GABPB2: variants seen among roughly 807,000 people sequenced by gnomAD.
GABPB2 encodes the protein GA-binding protein subunit beta-2.
A neutral mutation model predicts 39.1 loss-of-function variants in GABPB2; 23 were observed. That is an observed-to-expected ratio of 0.59 (90% CI 0.42 to 0.83). The LOEUF is 0.83. Among genes scored for constraint, GABPB2 ranks in the 40% least tolerant of loss-of-function variants. GABPB2 has a pLI of 0.00. For synonymous variants in GABPB2, 184 were observed against 199.3 expected (o/e 0.92, Z 0.65); for missense variants, 467 against 541.1 (o/e 0.86, Z 1.36).
In GABPB2 at chr1:151,124,094, AAAAAAAAAAAG is replaced by A. The variant is rs1172399033; in HGVS notation, c.*5842_*5852del. On this transcript the variant is annotated 3_prime_UTR_variant, in exon 9 of 9. Coordinates refer to ENST00000368918, the MANE Select transcript of GABPB2 (RefSeq NM_144618.3). Reference sequence around the variant, plus strand: ...GAGGCCGGGCGCGGTGGCTCACAAAAAAAAAAAAAAGAAAGAAAAAGGAAAAAAAGAAATAT... The same window carrying A: ...GAGGCCGGGCGCGGTGGCTCACAAAAAAAGAAAAAGGAAAAAAAGAAATAT... 134 of 103,710 alleles carry A rather than the reference AAAAAAAAAAAG, an allele frequency of 1.3e-3. 2 individuals carry two copies. The highest frequency in any genetic ancestry group is 3.7e-3 in the African/African-American group (123 of 33,326). 6.4% of individuals were successfully genotyped at this position (103,710 alleles called of 1,614,324 possible).
At chr1:151,107,337 T>A (rs587701514) in intron 7 of GABPB2, 115 bp downstream of exon 7, 8 of 634,240 alleles carry the variant, frequency 1.3e-5, no homozygotes, top group Non-Finnish European at 1.6e-5. Flanking sequence ...CAGATGCAAG[T>A]TGGGGCAAAG....
rs149260680 is a variant in GABPB2 at position 151,103,574 on chromosome 1, C to T, written c.635C>T (p.Ala212Val). ...CTTACTGAAATAGGTGACCCCCATG[C>T]CTCAACAGTACAGTTTTCAAATTCT... is the stretch of plus-strand genomic sequence containing the variant. ...NTKTTSGDPH[A>V]STVQFSNSTT... is the part of the protein sequence containing the mutation. The change falls in exon 6 of 9, where the codon GCC becomes GTC. Residue 212 changes from alanine (A) to valine (V), a missense_variant. By Grantham distance (64) the Ala-to-Val change is moderately conservative. Transcript: ENST00000368918. 3.5e-5 allele frequency: 56 copies of T among 1,613,208 alleles called. No homozygotes were observed. The African/African-American group carries it at 7.3e-4, about 21-fold the overall frequency.
At chr1:151,076,729 C>CA (rs1260540818) in intron 1 of GABPB2, among the ~76,000 whole-genome samples, 1 of 151,584 alleles carries the variant, frequency 6.6e-6, no homozygotes, top group East Asian at 1.9e-4. Flanking sequence ...TGTGCCTTGC[C>CA]AGTCTCCCAT....
In GABPB2 at chr1:151,120,751, CTCTT is replaced by C. The variant is rs1484023012; in HGVS notation, c.*2497_*2500del. 2 of 139,936 alleles carry C rather than the reference CTCTT, an allele frequency of 1.4e-5. No homozygotes were observed. Among genetic ancestry groups the C allele is most frequent in the Non-Finnish European group, 3.1e-5 (2 of 64,096 alleles). 8.7% of individuals were successfully genotyped at this position (139,936 alleles called of 1,614,324 possible). On this transcript the variant is annotated 3_prime_UTR_variant, in exon 9 of 9. Coordinates refer to ENST00000368918, the MANE Select transcript of GABPB2 (RefSeq NM_144618.3). Reference sequence around the variant, plus strand: ...ATTTATGTAATGTCAAGCTCAGTCTCTCTTTTTTTTTTTTTTTTTTTTGAGACGG... The same window carrying C: ...ATTTATGTAATGTCAAGCTCAGTCTCTTTTTTTTTTTTTTTTTTGAGACGG...
intron 4 of GABPB2, among the ~76,000 whole-genome samples, chr1:151,097,577 T>C (rs1679187151): frequency 6.6e-6 from 1 of 151,830 alleles, no homozygotes; most frequent in Non-Finnish European, 1.5e-5. Context: ...AGCCCACAAG[T>C]TCTAGACCAA....
intron 4 of GABPB2, among the ~76,000 whole-genome samples, chr1:151,095,514 C>T (rs951527463): frequency 1.3e-5 from 2 of 152,166 alleles, no homozygotes; most frequent in South Asian, 2.1e-4. Flanking sequence ...AATAACTATA[C>T]GGTGACTTTC....
At position 151,121,009 on chromosome 1, in the gene GABPB2, G is replaced by A; in HGVS notation, c.*2753G>A. 6.6e-6 allele frequency: 1 copy of A among 152,210 alleles called. No homozygotes were observed. The highest frequency in any genetic ancestry group is 1.5e-5 in the Non-Finnish European group (1 of 68,034). 9.4% of individuals were successfully genotyped at this position (152,210 alleles called of 1,614,324 possible). A position where few individuals can be genotyped will look rare whatever the true frequency, so the allele number is the denominator to read the frequency against. ...GGCCTCAGGTGATCCACCCGCCTTG[G>A]CCTCCCAAAATGCTGAGATTACAGG... On this transcript the variant is annotated 3_prime_UTR_variant, in exon 9 of 9. Coordinates refer to ENST00000368918, the MANE Select transcript of GABPB2 (RefSeq NM_144618.3).
intron 1 of GABPB2, among the ~76,000 whole-genome samples, chr1:151,074,264 C>T (rs144040112): frequency 0.016 from 2,324 of 148,666 alleles, 65 homozygotes; most frequent in African/African-American, 0.054. Context: ...CGTGAGCCAC[C>T]GCGCCCGGCT....
intron 1 of GABPB2, among the ~76,000 whole-genome samples, chr1:151,076,530 A>G (rs1187004959): frequency 6.8e-6 from 1 of 148,008 alleles, no homozygotes; most frequent in East Asian, 2.1e-4. Context: ...CCTGGGTTCA[A>G]GCAATTCTCC....
intron 4 of GABPB2, among the ~76,000 whole-genome samples, chr1:151,096,323 G>A (rs919769164): frequency 6.6e-6 from 1 of 152,034 alleles, no homozygotes; most frequent in Non-Finnish European, 1.5e-5. Flanking sequence ...CTACTTGGGA[G>A]GCTGAGGCAG....
intron 5 of GABPB2, among the ~76,000 whole-genome samples, chr1:151,100,001 A>G (rs1679389879): frequency 6.6e-6 from 1 of 152,242 alleles, no homozygotes; most frequent in African/African-American, 2.4e-5. Context: ...TCTTCATTTT[A>G]TAAGCTATCA....
At position 151,092,425 on chromosome 1, in the gene GABPB2, A is replaced by T. The variant is rs587617393; in HGVS notation, c.277-767A>T. Among the ~76,000 whole-genome samples, 13 of 145,428 alleles carry T rather than the reference A, an allele frequency of 8.9e-5. No individual in the cohort carries two copies. The South Asian group carries it at 2.3e-3, about 26-fold the overall frequency. On this transcript the variant is annotated intron_variant, in intron 3 of 8. Coordinates refer to ENST00000368918, the MANE Select transcript of GABPB2 (RefSeq NM_144618.3). ...CAGCCATTTTTTTAAAATCATATTT[A>T]AAAAAAAAATACAGATGAGATCTCA...
At chr1:151,093,929 T>G (rs188527640) in intron 4 of GABPB2, among the ~76,000 whole-genome samples, 11 of 152,138 alleles carry the variant, frequency 7.2e-5, no homozygotes, top group African/African-American at 2.6e-4. Flanking sequence ...ATGGCAAAGT[T>G]GAAAAATTGT....
chr1:151,121,119 T>C lies in GABPB2; in HGVS notation c.*2863T>C, dbSNP rs1475828453. 6.6e-6 allele frequency: 1 copy of C among 152,152 alleles called. No homozygotes were observed. The highest frequency in any genetic ancestry group is 2.4e-5 in the African/African-American group (1 of 41,410). 9.4% of individuals were successfully genotyped at this position (152,152 alleles called of 1,614,324 possible). ...AAGTGTCATTTAGGACATATTGTGC[T>C]TTTCTGTGGAGCTTATATCTTATCC... On this transcript the variant is annotated 3_prime_UTR_variant, in exon 9 of 9. Coordinates refer to ENST00000368918, the MANE Select transcript of GABPB2 (RefSeq NM_144618.3).
chr1:151,096,675 C>T (rs1278672226), intron 4 of GABPB2, among the ~76,000 whole-genome samples: 1 of 152,114 alleles, frequency 6.6e-6, no homozygotes. Context: ...AGCAAAAGTA[C>T]AGCATATGGA....
chr1:151,075,247 G>A (rs905269761), intron 1 of GABPB2, among the ~76,000 whole-genome samples: 5 of 151,884 alleles, frequency 3.3e-5, no homozygotes, highest in Middle Eastern at 3.4e-3. Flanking sequence ...TGGCTAACAC[G>A]GTGAAACTCC....
At chr1:151,102,099 TC>T (rs1028617470) in intron 5 of GABPB2, among the ~76,000 whole-genome samples, 1 of 152,176 alleles carries the variant, frequency 6.6e-6, no homozygotes, top group African/African-American at 2.4e-5. Context: ...AGCAGGCAGA[TC>T]ACCTGAAGTC....
chr1:151,103,587 G>A lies in GABPB2; in HGVS notation c.648G>A (p.Gln216=), dbSNP rs753888286. Residue 216 remains glutamine (Q), a synonymous_variant, in exon 6 of 9, where the codon CAG becomes CAA. Transcript: ENST00000368918. ...GTGACCCCCATGCCTCAACAGTACA[G>A]TTTTCAAATTCTACCACCTCAGTGC... The part of the protein sequence containing the change: ...TSGDPHASTV[Q]FSNSTTSVLA... 1 of 1,614,006 alleles carries A rather than the reference G, an allele frequency of 6.2e-7. No individual in the cohort carries two copies. The highest frequency in any genetic ancestry group is 8.5e-7 in the Non-Finnish European group (1 of 1,179,928).
At chr1:151,114,988 C>T (rs587733384) in intron 7 of GABPB2, among the ~76,000 whole-genome samples, 2 of 152,062 alleles carry the variant, frequency 1.3e-5, no homozygotes, top group Non-Finnish European at 2.9e-5. Flanking sequence ...CCAATCCGGC[C>T]TGGGTGGAGC....
Sources: gnomAD v4.1 joint callset for allele counts (sites outside exome capture counted in the v4.1 genomes callset) on GRCh38, gnomAD v4.1.1 for gene constraint, MANE v1.5 for transcripts, NCBI Gene and HGNC (gene_info 2026-07-23, HGNC 2026-07-21) for gene names.